AATK: variants seen among roughly 807,000 people sequenced by gnomAD.
AATK encodes the protein lemur tail kinase 1.
A neutral mutation model predicts 114.3 loss-of-function variants in AATK; 91 were observed. The observed-to-expected ratio is 0.80, with a 90% CI of 0.67 to 0.95. AATK has a LOEUF of 0.95. Ranked by LOEUF, AATK falls within the 40% of genes least tolerant of loss-of-function variation. The pLI is 0.00. For missense variants in AATK, 2,176 were observed against 1,965.2 expected (o/e 1.11, Z -2.03); for synonymous variants, 1,075 against 916.5 (o/e 1.17, Z -3.12).
Position 81,120,889 on chromosome 17 carries a change from C to T in AATK, c.3047G>A (p.Gly1016Asp), listed in dbSNP as rs772308883. Reference sequence around the variant, plus strand: ...CTCTGGCCCGGGGGCTCGGTCCCCGCCGCACTTCTTCTCTGGGCCTGAGGT... The same window carrying T: ...CTCTGGCCCGGGGGCTCGGTCCCCGTCGCACTTCTTCTCTGGGCCTGAGGT... ...EATSGPEKKC[G>D]GDRAPGPELG... Residue 1016 changes from glycine to aspartate, a missense_variant, in exon 11 of 14, where the codon GGC becomes GAC. This residue lies in a region of AATK where 1,701 missense variants were observed against 1,394.7 expected (regional missense o/e 1.22). Coordinates refer to ENST00000326724, the MANE Select transcript of AATK (RefSeq NM_001080395.3). The T allele has an allele frequency of 1.3e-6, 2 of 1,585,898 alleles. No homozygotes were observed. Among genetic ancestry groups the T allele is most frequent in the East Asian group, 2.3e-5 (1 of 43,282 alleles).
intron 1 of AATK, among the ~76,000 whole-genome samples, chr17:81,137,413 GTCTC>G (rs1487479743): frequency 2.6e-5 from 4 of 152,106 alleles, no homozygotes; most frequent in Admixed American, 2.0e-4. Flanking sequence ...GGTTCCCACA[GTCTC>G]TCGGCCGCAG....
At chr17:81,145,453 C>T (rs1002157514) in intron 1 of AATK, among the ~76,000 whole-genome samples, 3 of 152,024 alleles carry the variant, frequency 2.0e-5, no homozygotes, top group Non-Finnish European at 4.4e-5. Context: ...TCTGTTCCGG[C>T]TGGGCACAGT....
chr17:81,124,679 G>C (rs2060772175), intron 9 of AATK, 48 bp downstream of exon 9: 1 of 1,597,774 alleles, frequency 6.3e-7, no homozygotes, highest in African/African-American at 1.3e-5. Flanking sequence ...GGGTGGGCAG[G>C]TGGCACTCGG....
chr17:81,140,737 G>T (rs2061114741), intron 1 of AATK, among the ~76,000 whole-genome samples: 1 of 114,144 alleles, frequency 8.8e-6, no homozygotes, highest in African/African-American at 3.7e-5. Flanking sequence ...GAGCCGTGGG[G>T]CCGGGAGACC....
chr17:81,138,187 G>C (rs1033842265), intron 1 of AATK, among the ~76,000 whole-genome samples: 1 of 140,612 alleles, frequency 7.1e-6, no homozygotes, highest in South Asian at 2.3e-4. Flanking sequence ...CCACACATGC[G>C]TGCACACACA....
At chr17:81,130,143 C>CAA (rs2060907347) in intron 3 of AATK, among the ~76,000 whole-genome samples, 1 of 152,236 alleles carries the variant, frequency 6.6e-6, no homozygotes, top group Non-Finnish European at 1.5e-5. Context: ...CATGGCACCG[C>CAA]AGTAACAGGC....
chr17:81,119,024 G>A (rs570075200), intron 13 of AATK, among the ~76,000 whole-genome samples: 95 of 152,326 alleles, frequency 6.2e-4, no homozygotes, highest in African/African-American at 2.2e-3. Context: ...CCGGGGCACC[G>A]TGGGACCTGG....
chr17:81,135,315 G>C (rs1454053553), intron 1 of AATK, among the ~76,000 whole-genome samples: 1 of 152,158 alleles, frequency 6.6e-6, no homozygotes, highest in Admixed American at 6.5e-5. Flanking sequence ...GGCATGGTGG[G>C]GGCCAGCCTT....
chr17:81,135,471 G>A (rs537181042), intron 1 of AATK, among the ~76,000 whole-genome samples: 12 of 152,160 alleles, frequency 7.9e-5, no homozygotes, highest in East Asian at 1.9e-4. Context: ...GAGATTTTCC[G>A]GCCACCCCCA....
intron 1 of AATK, among the ~76,000 whole-genome samples, chr17:81,145,903 C>G (rs760459220): frequency 1.3e-5 from 2 of 151,902 alleles, no homozygotes; most frequent in African/African-American, 4.8e-5. Context: ...CAAACATAAA[C>G]AAGACTGAGC....
chr17:81,147,815 G>A (rs2146381137), intron 1 of AATK, among the ~76,000 whole-genome samples: 1 of 152,286 alleles, frequency 6.6e-6, no homozygotes, highest in Non-Finnish European at 1.5e-5. Context: ...CTAAGGAAAA[G>A]AAGCAGGACG....
chr17:81,125,264 A>C, intron 7 of AATK: 2 of 742,978 alleles, frequency 2.7e-6, no homozygotes, highest in South Asian at 2.8e-5. Flanking sequence ...GTGGGCCTCA[A>C]ATGTTACAGT....
intron 1 of AATK, among the ~76,000 whole-genome samples, chr17:81,162,738 C>A (rs2061440873): frequency 6.6e-6 from 1 of 152,212 alleles, no homozygotes; most frequent in Non-Finnish European, 1.5e-5. Flanking sequence ...AGGCACTTCT[C>A]CCAGGAACCC....
chr17:81,157,364 T>TGCTCATA lies in AATK; in HGVS notation c.55+8567_55+8573dup, dbSNP rs1411292072. Among the ~76,000 whole-genome samples, 23 of 152,280 alleles carry TGCTCATA rather than the reference T, an allele frequency of 1.5e-4. No individual in the cohort carries two copies. The South Asian group carries it at 4.6e-3, about 30-fold the overall frequency. ...CTCGCCTCCAACCTGGGGCTGCACT[T>TGCTCATA]GCTCATAGACGCACACGTACCCCTC... On this transcript the variant is annotated intron_variant, in intron 1 of 13. Coordinates refer to ENST00000326724, the MANE Select transcript of AATK (RefSeq NM_001080395.3).
chr17:81,137,851 A>C (rs140741145), intron 1 of AATK, among the ~76,000 whole-genome samples: 99 of 152,060 alleles, frequency 6.5e-4, no homozygotes, highest in African/African-American at 2.4e-3. Flanking sequence ...GCATGTGTAT[A>C]TATCACACGT....
intron 1 of AATK, among the ~76,000 whole-genome samples, chr17:81,162,237 C>T (rs1319941394): frequency 6.6e-6 from 1 of 152,078 alleles, no homozygotes; most frequent in African/African-American, 2.4e-5. Flanking sequence ...CAAGAACCCA[C>T]CTCGGCCTGC....
intron 1 of AATK, among the ~76,000 whole-genome samples, chr17:81,161,339 G>T (rs985860271): frequency 6.6e-6 from 1 of 152,244 alleles, no homozygotes; most frequent in African/African-American, 2.4e-5. Flanking sequence ...TCCTTCCCGC[G>T]TGCACGCCAC....
chr17:81,118,511 A>C, intron 13 of AATK, 69 bp from the exon 14 acceptor site: 1 of 1,531,196 alleles, frequency 6.5e-7, no homozygotes, highest in East Asian at 2.4e-5. Flanking sequence ...CGCAACTCCC[A>C]CCTGGCCTCC....
At chr17:81,129,751 C>T (rs780867307) in intron 3 of AATK, among the ~76,000 whole-genome samples, 2 of 152,162 alleles carry the variant, frequency 1.3e-5, no homozygotes, top group Non-Finnish European at 2.9e-5. Context: ...AGTACCCCCT[C>T]GGATGGTCCC....
Sources: gnomAD v4.1 joint callset for allele counts (sites outside exome capture counted in the v4.1 genomes callset) on GRCh38, gnomAD v4.1.1 for gene constraint, gnomAD v4.1.1 regional missense constraint, MANE v1.5 for transcripts, NCBI Gene and HGNC (gene_info 2026-07-23, HGNC 2026-07-21) for gene names.